The following PRKN variants were observed in gnomAD, a reference collection of about 807,000 sequenced individuals.
PRKN encodes the protein E3 ubiquitin-protein ligase parkin.
A neutral mutation model predicts 59.5 loss-of-function variants in PRKN; 56 were observed. That is an observed-to-expected ratio of 0.94 (90% CI 0.76 to 1.18). The LOEUF (loss-of-function observed/expected upper bound fraction) is 1.18. PRKN is among the 50% of genes most tolerant of loss of function. The pLI is 0.00. For missense variants in PRKN, 657 were observed against 596.4 expected, an observed-to-expected ratio of 1.10 and a Z score of -1.06; for synonymous variants, 250 against 222.1, an observed-to-expected ratio of 1.13 and a Z score of -1.12.
chr6:161,692,013 C>T (rs1785816763), intron 7 of PRKN, among the ~76,000 whole-genome samples: 1 of 151,104 alleles, frequency 6.6e-6, no homozygotes, highest in Non-Finnish European at 1.5e-5. Flanking sequence ...TGAATTTGTG[C>T]TCAATTTTTA....
intron 7 of PRKN, among the ~76,000 whole-genome samples, chr6:161,678,644 T>A (rs1490172676): frequency 6.9e-6 from 1 of 144,706 alleles, no homozygotes; most frequent in East Asian, 2.1e-4. Context: ...CAATCTCAGC[T>A]CACTGCACCT....
At chr6:162,083,405 C>T (rs916498101) in intron 4 of PRKN, among the ~76,000 whole-genome samples, 1 of 152,004 alleles carries the variant, frequency 6.6e-6, no homozygotes, top group Non-Finnish European at 1.5e-5. Flanking sequence ...TTCCACAAAC[C>T]TTCAATTTGT....
At chr6:161,797,728 A>G (rs1790910650) in intron 6 of PRKN, among the ~76,000 whole-genome samples, 1 of 152,248 alleles carries the variant, frequency 6.6e-6, no homozygotes, top group African/African-American at 2.4e-5. Context: ...CTAAGGTATC[A>G]TTAGATGAGT....
At chr6:162,338,266 TCTCCCTACGGTCTCCCTCTCTTTCC>T (rs1703430721) in intron 2 of PRKN, among the ~76,000 whole-genome samples, 1 of 152,112 alleles carries the variant, frequency 6.6e-6, no homozygotes, top group Non-Finnish European at 1.5e-5. Context: ...TCCCTCTCCC[TCTCCCTACGGTCTCCCTCTCTTTCC>T]ACGGTCTCCC....
chr6:162,226,119 G>C (rs548132562), intron 3 of PRKN, among the ~76,000 whole-genome samples: 4 of 150,156 alleles, frequency 2.7e-5, no homozygotes, highest in Non-Finnish European at 4.4e-5. Flanking sequence ...AAACTGGGCA[G>C]GTTAGAAAGA....
At chr6:162,093,753 CCCCCGTAACTCATAACGGCTTGA>C (rs1409794203) in intron 4 of PRKN, among the ~76,000 whole-genome samples, 4 of 152,048 alleles carry the variant, frequency 2.6e-5, no homozygotes, top group African/African-American at 9.7e-5. Flanking sequence ...TGCTTTAAAC[CCCCCGTAACTCATAACGGCTTGA>C]CTGTGCATCC....
intron 6 of PRKN, among the ~76,000 whole-genome samples, chr6:161,851,177 T>G (rs1793417806): frequency 6.6e-6 from 1 of 152,070 alleles, no homozygotes; most frequent in Non-Finnish European, 1.5e-5. Flanking sequence ...CTCATGGGAG[T>G]GAGTTCCTTA....
In PRKN at chr6:161,442,571, G is replaced by A. The variant is rs1301925730; in HGVS notation, c.1084-55694C>T. Among the ~76,000 whole-genome samples, 1 of 152,186 alleles carries A rather than the reference G, an allele frequency of 6.6e-6. No homozygotes were observed. Among genetic ancestry groups the A allele is most frequent in the Admixed American group, 6.5e-5 (1 of 15,282 alleles). The stretch of plus-strand genomic sequence containing the variant: ...AGCGTGCCGTTCCGCACCACCAAGC[G>A]GAAGGGCAGCACTGCTTGTATCTAA... On this transcript the variant is annotated intron_variant, in intron 9 of 11. Transcript: ENST00000366898. This position sits in a 1 kb window ranked among gnomAD's most constrained non-coding sequence, Gnocchi z 4.6.
In PRKN at chr6:161,440,078, G is replaced by A. The variant is rs998298510; in HGVS notation, c.1084-53201C>T. 2.0e-4 allele frequency among the ~76,000 whole-genome samples: 31 copies of A among 151,964 alleles called. No homozygotes were observed. Among genetic ancestry groups the A allele is most frequent in the Admixed American group, 9.2e-4 (14 of 15,250 alleles). The stretch of plus-strand genomic sequence containing the variant: ...CTACTCTCCTGCCTCAGCCTCCTGA[G>A]TAGCTGGGACTACAGGCGCCCACCA... On this transcript the variant is annotated intron_variant, in intron 9 of 11. Coordinates refer to ENST00000366898, the MANE Select transcript of PRKN (RefSeq NM_004562.3). The surrounding 1 kb of genome is among the most constrained non-coding windows in gnomAD (Gnocchi z 4.1).
chr6:161,985,839 C>G (rs1264782168), intron 5 of PRKN, among the ~76,000 whole-genome samples: 3 of 152,170 alleles, frequency 2.0e-5, no homozygotes, highest in African/African-American at 7.2e-5. Context: ...GGACTTCCCC[C>G]CTTCACTCTG....
chr6:162,032,476 G>C (rs1783678118), intron 5 of PRKN, among the ~76,000 whole-genome samples: 1 of 152,116 alleles, frequency 6.6e-6, no homozygotes, highest in African/African-American at 2.4e-5. Context: ...GGCAAAGTGG[G>C]GGCCACTTTG....
intron 6 of PRKN, among the ~76,000 whole-genome samples, chr6:161,792,454 C>CA (rs1270416980): frequency 6.6e-6 from 1 of 152,152 alleles, no homozygotes; most frequent in African/African-American, 2.4e-5. Context: ...GCTCAGTTAT[C>CA]AAGAGTGGCT....
intron 1 of PRKN, among the ~76,000 whole-genome samples, chr6:162,449,441 T>C (rs369909249): frequency 2.0e-5 from 3 of 152,232 alleles, no homozygotes; most frequent in Non-Finnish European, 1.5e-5. Context: ...TTTGGACTCA[T>C]AGCTCAATGT....
intron 7 of PRKN, among the ~76,000 whole-genome samples, chr6:161,708,522 G>C (rs544205352): frequency 2.6e-5 from 4 of 151,532 alleles, no homozygotes; most frequent in Admixed American, 6.6e-5. Context: ...GTATGGGGGG[G>C]AGGTATTTCT....
chr6:161,797,551 C>T (rs1247955121), intron 6 of PRKN, among the ~76,000 whole-genome samples: 12 of 152,222 alleles, frequency 7.9e-5, no homozygotes, highest in Admixed American at 7.9e-4. Flanking sequence ...AAGGCAAGAG[C>T]TACTGTGCCC....
intron 1 of PRKN, among the ~76,000 whole-genome samples, chr6:162,596,098 G>A (rs1269697440): frequency 6.6e-6 from 1 of 152,062 alleles, no homozygotes; most frequent in African/African-American, 2.4e-5. Context: ...AGTCAAGACT[G>A]TAGACATCTC....
At chr6:162,569,942 CA>C (rs943823608) in intron 1 of PRKN, among the ~76,000 whole-genome samples, 2 of 151,988 alleles carry the variant, frequency 1.3e-5, no homozygotes, top group Non-Finnish European at 2.9e-5. Flanking sequence ...TTTTTCCCCC[CA>C]AAATAAAACC....
intron 7 of PRKN, among the ~76,000 whole-genome samples, chr6:161,721,212 G>A (rs1787207943): frequency 6.6e-6 from 1 of 152,224 alleles, no homozygotes; most frequent in South Asian, 2.1e-4. Flanking sequence ...TGTATAAAAT[G>A]TATAAAAGTA....
At chr6:162,701,281 A>G (rs1376513817) in intron 1 of PRKN, among the ~76,000 whole-genome samples, 1 of 152,180 alleles carries the variant, frequency 6.6e-6, no homozygotes, top group Non-Finnish European at 1.5e-5. Flanking sequence ...CTTAAAAGAG[A>G]TAATGTAACG....
Sources: allele counts gnomAD v4.1 joint callset (sites outside exome capture counted in the v4.1 genomes callset), GRCh38; gene constraint gnomAD v4.1.1; non-coding constraint Gnocchi (gnomAD v3.1); transcripts MANE v1.5; gene names NCBI Gene and HGNC (gene_info 2026-07-23, HGNC 2026-07-21).